Variants in FAM107B observed in about 807,000 individuals in gnomAD.
FAM107B encodes the protein family with sequence similarity 107 member B.
In FAM107B, 21 loss-of-function variants were observed where a neutral mutation model predicts 31.5. The observed-to-expected ratio is 0.67, with a 90% CI of 0.47 to 0.96. The LOEUF (loss-of-function observed/expected upper bound fraction) is 0.96. Among genes scored for constraint, FAM107B ranks in the 40% least tolerant of loss-of-function variants. The pLI is 0.00. For missense variants in FAM107B, 452 were observed against 377.1 expected (o/e 1.20, Z -1.64); for synonymous variants, 157 against 141.5 (o/e 1.11, Z -0.78).
At chr10:14,560,141 G>A (rs1010871955) in intron 2 of FAM107B, among the ~76,000 whole-genome samples, 4 of 151,856 alleles carry the variant, frequency 2.6e-5, no homozygotes, top group Non-Finnish European at 5.9e-5. Flanking sequence ...CCACACTCTA[G>A]GCCTGGGTGA....
Position 14,687,189 on chromosome 10 carries a change from C to T in FAM107B, c.412-19498G>A, listed in dbSNP as rs538936486. Among the ~76,000 whole-genome samples, 10 of 152,170 alleles carry T rather than the reference C, an allele frequency of 6.6e-5. No individual in the cohort carries two copies. In the South Asian group the frequency reaches 8.3e-4, roughly 13 times the overall value. ...AAAGGCAATGCCATCTAATGGAAAA[C>T]GAGGGTCAGGAGACACATGTTCCCG... On this transcript the variant is annotated intron_variant, in intron 1 of 4. Transcript: ENST00000181796.
intron 2 of FAM107B, among the ~76,000 whole-genome samples, chr10:14,659,515 C>T (rs1280075294): frequency 3.9e-5 from 6 of 152,174 alleles, no homozygotes; most frequent in South Asian, 2.1e-4. Flanking sequence ...GGAAAGAAAG[C>T]AAACTCAGGA....
At chr10:14,564,122 GTTCT>G (rs1850465317) in intron 2 of FAM107B, among the ~76,000 whole-genome samples, 1 of 152,016 alleles carries the variant, frequency 6.6e-6, no homozygotes, top group Non-Finnish European at 1.5e-5. Context: ...CCAAAAAAAA[GTTCT>G]TTAAGATTCT....
intron 2 of FAM107B, among the ~76,000 whole-genome samples, chr10:14,651,360 C>A (rs1185238920): frequency 2.6e-5 from 4 of 152,210 alleles, no homozygotes; most frequent in Admixed American, 6.5e-5. Context: ...AATCCCAGCA[C>A]TTTGGGAGGC....
intron 1 of FAM107B, among the ~76,000 whole-genome samples, chr10:14,761,593 T>C (rs1346184436): frequency 6.6e-6 from 1 of 152,054 alleles, no homozygotes; most frequent in Non-Finnish European, 1.5e-5. Flanking sequence ...GGAAGGGAGA[T>C]AGCTCTTTTT....
At chr10:14,590,128 G>A (rs777442935) in intron 2 of FAM107B, among the ~76,000 whole-genome samples, 20 of 152,172 alleles carry the variant, frequency 1.3e-4, no homozygotes, top group Non-Finnish European at 1.9e-4. Context: ...ACATCTAAGC[G>A]TTGGTTTATT....
chr10:14,630,561 C>T lies in FAM107B; in HGVS notation c.469+37073G>A, dbSNP rs527822005. ...AAAAAAATCACATTGGGCTGGTCCA[C>T]GCCTATAGTCTCAGAACTTTAGGAG... On this transcript the variant is annotated intron_variant, in intron 2 of 4. Transcript: ENST00000181796. Among the ~76,000 whole-genome samples the T allele has an allele frequency of 3.9e-5, 6 of 152,184 alleles. No individual in the cohort carries two copies. The South Asian group carries it at 6.2e-4, about 16-fold the overall frequency.
intron 1 of FAM107B, among the ~76,000 whole-genome samples, chr10:14,771,989 C>T (rs1833314202): frequency 1.3e-5 from 2 of 152,188 alleles, no homozygotes; most frequent in South Asian, 4.1e-4. Flanking sequence ...GCCACATCCT[C>T]TCTTTGTGGC....
intron 1 of FAM107B, among the ~76,000 whole-genome samples, chr10:14,756,310 T>A (rs1279088800): frequency 6.6e-6 from 1 of 152,226 alleles, no homozygotes; most frequent in Non-Finnish European, 1.5e-5. Context: ...GGTGTCAATT[T>A]GGCTAGGGCA....
chr10:14,644,761 T>C (rs551539334), intron 2 of FAM107B, among the ~76,000 whole-genome samples: 122 of 152,340 alleles, frequency 8.0e-4, no homozygotes, highest in Non-Finnish European at 1.4e-3. Flanking sequence ...AGTATTGGTA[T>C]GAGTGTGCTT....
intron 2 of FAM107B, among the ~76,000 whole-genome samples, chr10:14,664,443 G>A (rs1668231608): frequency 6.6e-6 from 1 of 152,104 alleles, no homozygotes; most frequent in African/African-American, 2.4e-5. Flanking sequence ...ATACAACAGT[G>A]GACCCATAAG....
chr10:14,763,352 C>T (rs1833095263), intron 1 of FAM107B, among the ~76,000 whole-genome samples: 1 of 152,174 alleles, frequency 6.6e-6, no homozygotes, highest in African/African-American at 2.4e-5. Context: ...GCCTGCTTGC[C>T]AGCAGATGTT....
chr10:14,644,349 C>G (rs1273242154), intron 2 of FAM107B, among the ~76,000 whole-genome samples: 1 of 152,126 alleles, frequency 6.6e-6, no homozygotes, highest in African/African-American at 2.4e-5. Flanking sequence ...CTATTTCTAT[C>G]TATTGTATAG....
intron 1 of FAM107B, among the ~76,000 whole-genome samples, chr10:14,695,065 G>T (rs1024544063): frequency 6.6e-6 from 1 of 152,030 alleles, no homozygotes; most frequent in Non-Finnish European, 1.5e-5. Flanking sequence ...TATGCAAAAC[G>T]TCATTACCAA....
rs71388188 is a variant in FAM107B at position 14,582,375 on chromosome 10, C to CTTTTTTTT, written c.470-51868_470-51861dup. On this transcript the variant is annotated intron_variant, in intron 2 of 4. Coordinates refer to ENST00000181796, the MANE Select transcript of FAM107B (RefSeq NM_031453.4). The stretch of plus-strand genomic sequence containing the variant: ...CATGTTTGTTTTTGTTTTTTCTTTT[C>CTTTTTTTT]TTTTTTTTTTTTTTTTTTTGAGACA... 1.7e-3 allele frequency among the ~76,000 whole-genome samples: 187 copies of CTTTTTTTT among 112,058 alleles called. 2 individuals are homozygous for CTTTTTTTT. Among genetic ancestry groups the CTTTTTTTT allele is most frequent in the East Asian group, 2.1e-3 (8 of 3,836 alleles). 73.5% of individuals were successfully genotyped at this position (112,058 alleles called of 152,430 possible).
chr10:14,729,888 G>A (rs1464977464), intron 1 of FAM107B, among the ~76,000 whole-genome samples: 1 of 152,140 alleles, frequency 6.6e-6, no homozygotes, highest in East Asian at 1.9e-4. Flanking sequence ...GTCTTTTGCA[G>A]GGACATAAAT....
At chr10:14,579,793 G>C (rs1408408452) in intron 2 of FAM107B, among the ~76,000 whole-genome samples, 1 of 152,094 alleles carries the variant, frequency 6.6e-6, no homozygotes, top group African/African-American at 2.4e-5. Context: ...GGGAGGCTGA[G>C]GACAGATCAC....
chr10:14,660,932 G>C (rs1854218964), intron 2 of FAM107B, among the ~76,000 whole-genome samples: 2 of 152,184 alleles, frequency 1.3e-5, no homozygotes, highest in East Asian at 3.9e-4. Flanking sequence ...CAATGTTGGA[G>C]GAGGGGCCTG....
At chr10:14,770,531 A>C (rs776350558) in intron 1 of FAM107B, among the ~76,000 whole-genome samples, 28 of 151,888 alleles carry the variant, frequency 1.8e-4, no homozygotes, top group Non-Finnish European at 4.1e-4. Flanking sequence ...TCAAAAAAAT[A>C]AAAATAAAAA....
Sources: gnomAD v4.1 joint callset for allele counts (sites outside exome capture counted in the v4.1 genomes callset) on GRCh38, gnomAD v4.1.1 for gene constraint, MANE v1.5 for transcripts, NCBI Gene and HGNC (gene_info 2026-07-23, HGNC 2026-07-21) for gene names.